ZNF37A: variants seen among roughly 807,000 people sequenced by gnomAD.
The protein encoded by ZNF37A is zinc finger protein 37A, also known as zinc finger protein 37a (KOX 21).
ZNF37A carries 10 observed loss-of-function variants against 12.3 expected under a neutral mutation model. That is an observed-to-expected ratio of 0.82 (90% CI 0.50 to 1.38). ZNF37A has a LOEUF of 1.38. Ranked by LOEUF, ZNF37A falls within the 40% of genes most tolerant of loss-of-function variation. ZNF37A has a pLI of 0.00. For synonymous variants in ZNF37A, 207 were observed against 223.0 expected, an observed-to-expected ratio of 0.93 and a Z score of 0.64; for missense variants, 580 against 651.2, an observed-to-expected ratio of 0.89 and a Z score of 1.19.
At chr10:38,129,418 A>G (rs946961804), downstream of ZNF37A, among the ~76,000 whole-genome samples, 2 of 151,862 alleles carry the variant, frequency 1.3e-5, no homozygotes, top group African/African-American at 4.8e-5. Flanking sequence ...CTTGGTGTAC[A>G]GATGGCCACC....
At chr10:38,102,391 A>T (rs1031937120) in intron 5 of ZNF37A, among the ~76,000 whole-genome samples, 2 of 152,148 alleles carry the variant, frequency 1.3e-5, no homozygotes, top group African/African-American at 4.8e-5. Flanking sequence ...AATTTATAAC[A>T]ATCTAGCTTG....
At chr10:38,132,662 C>G (rs1370432511) in intron 7 of ZNF37A, among the ~76,000 whole-genome samples, 1 of 151,966 alleles carries the variant, frequency 6.6e-6, no homozygotes, top group Non-Finnish European at 1.5e-5. Context: ...GTGTTCTGAC[C>G]ATGTTTATAT....
Position 38,119,068 on chromosome 10 carries a change from G to A in ZNF37A, c.*231G>A, listed in dbSNP as rs1312613899. 20 of 1,207,828 alleles carry A rather than the reference G, an allele frequency of 1.7e-5. No homozygotes were observed. Among genetic ancestry groups the A allele is most frequent in the Middle Eastern group, 6.6e-4 (2 of 3,044 alleles). 74.8% of individuals were successfully genotyped at this position (1,207,828 alleles called of 1,614,324 possible). On this transcript the variant is annotated 3_prime_UTR_variant, in exon 8 of 8. Transcript: ENST00000685332. ...AAAACTTATTGGTGAATGAATATAGGAAACATTTTGCCCAATGCCACTCTT... is the reference window on the plus strand; with the variant it reads ...AAAACTTATTGGTGAATGAATATAGAAAACATTTTGCCCAATGCCACTCTT...
chr10:38,132,380 C>T (rs1405402640), intron 7 of ZNF37A, among the ~76,000 whole-genome samples: 1 of 151,966 alleles, frequency 6.6e-6, no homozygotes, highest in Non-Finnish European at 1.5e-5. Flanking sequence ...TTCCCCCTTT[C>T]TTCTATTAAT....
At chr10:38,139,410 C>T (rs1367984807) in intron 7 of ZNF37A, 1 of 152,126 alleles carries the variant, frequency 6.6e-6, no homozygotes, top group Non-Finnish European at 1.5e-5. Flanking sequence ...ATTCTGTTGC[C>T]AGGCTGGAGT....
intron 7 of ZNF37A, chr10:38,139,767 G>T (rs989695230): frequency 6.6e-6 from 1 of 152,070 alleles, no homozygotes; most frequent in Admixed American, 6.6e-5. Context: ...AATATTGATG[G>T]TGTCTCAAAA....
At chr10:38,097,251 A>T (rs1411353374) in intron 5 of ZNF37A, among the ~76,000 whole-genome samples, 2 of 152,162 alleles carry the variant, frequency 1.3e-5, no homozygotes, top group Non-Finnish European at 2.9e-5. Context: ...TCCAGGGGAA[A>T]ACTTAAGCGA....
At position 38,118,255 on chromosome 10, in the gene ZNF37A, A is replaced by G. The variant is rs2136034388; in HGVS notation, c.1104A>G (p.Ser368=). 2 of 1,613,928 alleles carry G rather than the reference A, an allele frequency of 1.2e-6. No homozygotes were observed. Among genetic ancestry groups the G allele is most frequent in the Non-Finnish European group, 1.7e-6 (2 of 1,179,962 alleles). The change falls in exon 8 of 8, where the codon TCA becomes TCG. Residue 368 remains serine, a synonymous_variant. Transcript: ENST00000685332. ...GTGGGAAAACCTTCTCATTTAAGTC[A>G]GTCCTTACTGTGCATCAGAAAACAC... ...HECGKTFSFK[S]VLTVHQKTHT... is the part of the protein sequence containing the mutation.
At chr10:38,099,305 C>T (rs1204438556) in intron 5 of ZNF37A, among the ~76,000 whole-genome samples, 8 of 152,174 alleles carry the variant, frequency 5.3e-5, no homozygotes, top group Admixed American at 1.3e-4. Context: ...TTGCCCCTGG[C>T]AACCACCATC....
chr10:38,145,252 G>C (rs2136086688), intron 7 of ZNF37A, among the ~76,000 whole-genome samples: 1 of 152,244 alleles, frequency 6.6e-6, no homozygotes, highest in South Asian at 2.1e-4. Context: ...TTCTACGGAG[G>C]CTATGGAAAT....
intron 5 of ZNF37A, among the ~76,000 whole-genome samples, chr10:38,096,877 T>C (rs1322049526): frequency 6.6e-6 from 1 of 152,176 alleles, no homozygotes; most frequent in East Asian, 1.9e-4. Context: ...CAGATTTCAT[T>C]ATATATAAAG....
At chr10:38,127,300 C>T (rs1027402206), downstream of ZNF37A, among the ~76,000 whole-genome samples, 9 of 152,148 alleles carry the variant, frequency 5.9e-5, no homozygotes, top group Non-Finnish European at 1.2e-4. Flanking sequence ...AGGTCTAGAG[C>T]GAGGACCCTC....
At chr10:38,130,453 C>T (rs143909286), downstream of ZNF37A, among the ~76,000 whole-genome samples, 1 of 152,174 alleles carries the variant, frequency 6.6e-6, no homozygotes, top group African/African-American at 2.4e-5. Context: ...AAACACCACA[C>T]TATTTTCTTT....
intron 5 of ZNF37A, among the ~76,000 whole-genome samples, chr10:38,106,700 G>T (rs187895328): frequency 2.8e-4 from 42 of 152,086 alleles, no homozygotes; most frequent in East Asian, 2.5e-3. Flanking sequence ...CAAGAACTTC[G>T]TGAAGCATAC....
chr10:38,117,008 TTGAGGC>T (rs1337027696), intron 7 of ZNF37A: 1 of 190,798 alleles, frequency 5.2e-6, no homozygotes, highest in African/African-American at 2.4e-5. Flanking sequence ...ACTTGGGAGG[TTGAGGC>T]ATGGGAATCA....
chr10:38,146,479 GC>G (rs1428499283), intron 7 of ZNF37A, among the ~76,000 whole-genome samples: 43 of 152,184 alleles, frequency 2.8e-4, no homozygotes, highest in South Asian at 1.0e-3. Context: ...AATTAATTAA[GC>G]CCTCATATTT....
rs2069663640 is a variant in ZNF37A, at chr10:38,121,057, AAG to A, written c.*2222_*2223del. On this transcript the variant is annotated 3_prime_UTR_variant, in exon 8 of 8. Coordinates refer to ENST00000685332, the MANE Select transcript of ZNF37A (RefSeq NM_001324250.3). ...TGGAGTATTCAAAAACTTGCTTAGA[AAG>A]AAAACTCTAGGAACAGATGGCTTCA... 1 of 152,180 alleles carries A rather than the reference AAG, an allele frequency of 6.6e-6. No homozygotes were observed. The highest frequency in any genetic ancestry group is 1.5e-5 in the Non-Finnish European group (1 of 68,032). 9.4% of individuals were successfully genotyped at this position (152,180 alleles called of 1,614,324 possible).
chr10:38,100,278 C>T (rs2067456264), intron 5 of ZNF37A, among the ~76,000 whole-genome samples: 1 of 152,186 alleles, frequency 6.6e-6, no homozygotes, highest in African/African-American at 2.4e-5. Context: ...AAGTTTTGGG[C>T]ACCATTGTCA....
At position 38,118,507 on chromosome 10, in the gene ZNF37A, C is replaced by T. The variant is rs763595909; in HGVS notation, c.1356C>T (p.Ser452=). 39 of 1,612,152 alleles carry T rather than the reference C, an allele frequency of 2.4e-5. No homozygotes were observed. The highest frequency in any genetic ancestry group is 1.0e-4 in the Admixed American group (6 of 59,810). ...IQCGKFFCYY[S]GFTEHLRRHT... is the part of the protein sequence containing the mutation. ...GTGGAAAATTTTTCTGCTACTACTC[C>T]GGTTTCACAGAACATCTGAGAAGAC... Residue 452 remains serine, a synonymous_variant, in exon 8 of 8, where the codon TCC becomes TCT. Coordinates refer to ENST00000685332, the MANE Select transcript of ZNF37A (RefSeq NM_001324250.3).
Sources: allele counts gnomAD v4.1 joint callset (sites outside exome capture counted in the v4.1 genomes callset), GRCh38; gene constraint gnomAD v4.1.1; transcripts MANE v1.5; gene names NCBI Gene and HGNC (gene_info 2026-07-23, HGNC 2026-07-21).